RBFOX1: variants seen among roughly 807,000 people sequenced by gnomAD.
RBFOX1 encodes RNA binding protein fox-1 homolog 1.
RBFOX1 carries 8 observed loss-of-function variants against 57.7 expected under a neutral mutation model. The observed-to-expected ratio is 0.14, with a 90% CI of 0.08 to 0.25. The LOEUF is 0.25. Among genes scored for constraint, RBFOX1 ranks in the 10% least tolerant of loss-of-function variants. RBFOX1 has a pLI of 1.00. For missense variants in RBFOX1, 611 were observed against 548.5 expected (o/e 1.11, Z -1.14); for synonymous variants, 326 against 222.4 (o/e 1.47, Z -4.15).
intron 2 of RBFOX1, among the ~76,000 whole-genome samples, chr16:5,586,062 G>C (rs1055399075): frequency 1.2e-4 from 19 of 152,152 alleles, no homozygotes; most frequent in African/African-American, 4.6e-4. Flanking sequence ...ACACAGTGCC[G>C]TGCAGAGAAG....
intron 2 of RBFOX1, among the ~76,000 whole-genome samples, chr16:6,591,663 C>T (rs928895768): frequency 6.6e-5 from 10 of 152,092 alleles, no homozygotes; most frequent in African/African-American, 2.2e-4. Context: ...TGTTGTGACA[C>T]GGGGCAACTC....
chr16:5,451,628 A>G (rs781531307), intron 1 of RBFOX1, among the ~76,000 whole-genome samples: 29 of 152,342 alleles, frequency 1.9e-4, no homozygotes, highest in Non-Finnish European at 3.8e-4. Context: ...AAAGAAATAG[A>G]TTCTTCAGTA....
intron 3 of RBFOX1, among the ~76,000 whole-genome samples, chr16:6,728,676 T>G (rs1335909180): frequency 6.6e-6 from 1 of 152,146 alleles, no homozygotes; most frequent in Non-Finnish European, 1.5e-5. Context: ...CAAATAGCAA[T>G]AAAATTGGGT....
chr16:7,533,212 T>A (rs905306973), intron 5 of RBFOX1, among the ~76,000 whole-genome samples: 1 of 152,208 alleles, frequency 6.6e-6, no homozygotes, highest in East Asian at 1.9e-4. Context: ...AATAAAAGAT[T>A]TGGTATTTCT....
chr16:6,663,868 T>C (rs964169645), intron 3 of RBFOX1, among the ~76,000 whole-genome samples: 5 of 152,186 alleles, frequency 3.3e-5, no homozygotes, highest in African/African-American at 1.2e-4. Flanking sequence ...GAGCATGGCA[T>C]GACTAAGGAA....
chr16:6,199,336 C>T (rs1014777046), intron 1 of RBFOX1, among the ~76,000 whole-genome samples: 14 of 152,104 alleles, frequency 9.2e-5, no homozygotes, highest in Non-Finnish European at 8.8e-5. Flanking sequence ...TAATAGAATG[C>T]CATTGTGGTC....
chr16:6,078,164 A>G (rs2095938564), intron 1 of RBFOX1, among the ~76,000 whole-genome samples: 1 of 152,114 alleles, frequency 6.6e-6, no homozygotes, highest in South Asian at 2.1e-4. Flanking sequence ...ATGTGGTAAC[A>G]TGTATGAGGA....
intron 1 of RBFOX1, among the ~76,000 whole-genome samples, chr16:6,040,034 T>C (rs2095419349): frequency 6.6e-6 from 1 of 152,216 alleles, no homozygotes; most frequent in Non-Finnish European, 1.5e-5. Context: ...AGAGAGTCCA[T>C]GACTTTTTTG....
intron 1 of RBFOX1, among the ~76,000 whole-genome samples, chr16:6,141,194 G>T (rs9935680): frequency 6.6e-6 from 1 of 152,052 alleles, no homozygotes; most frequent in African/African-American, 2.4e-5. Flanking sequence ...CACCATGGCC[G>T]CTGCTTTTGG....
At position 6,281,065 on chromosome 16, in the gene RBFOX1, T is replaced by C. The variant is rs371008073; in HGVS notation, c.-126-35930T>C. Among the ~76,000 whole-genome samples the C allele has an allele frequency of 2.7e-5, 4 of 150,222 alleles. No homozygotes were observed. The East Asian group carries it at 5.9e-4, about 22-fold the overall frequency. ...TCAACATGCAGGTCTGCTTTGGAGA[T>C]GTTAGACTGAGCACCCTCCTAGACA... On this transcript the variant is annotated intron_variant, in intron 1 of 15. Transcript: ENST00000550418.
intron 2 of RBFOX1, among the ~76,000 whole-genome samples, chr16:6,616,076 C>T (rs1466899414): frequency 1.3e-5 from 2 of 152,138 alleles, no homozygotes; most frequent in Non-Finnish European, 2.9e-5. Flanking sequence ...GAGGGCTGTG[C>T]AGCAGATGAG....
chr16:6,065,138 C>T (rs928714602), intron 1 of RBFOX1, among the ~76,000 whole-genome samples: 2 of 151,806 alleles, frequency 1.3e-5, no homozygotes, highest in East Asian at 1.9e-4. Flanking sequence ...AGTGATCCTC[C>T]CACCTCATCC....
chr16:6,911,202 C>CAA (rs34017800), intron 3 of RBFOX1, among the ~76,000 whole-genome samples: 28 of 138,774 alleles, frequency 2.0e-4, no homozygotes, highest in African/African-American at 5.5e-4. Flanking sequence ...AATTGTGTCT[C>CAA]AAAAAAAAAA....
intron 3 of RBFOX1, among the ~76,000 whole-genome samples, chr16:6,889,050 A>G: frequency 6.6e-6 from 1 of 152,064 alleles, no homozygotes; most frequent in East Asian, 1.9e-4. Context: ...CTCAAATTTG[A>G]TTGTATTTTT....
At chr16:6,739,901 T>C (rs955116911) in intron 3 of RBFOX1, among the ~76,000 whole-genome samples, 2 of 152,060 alleles carry the variant, frequency 1.3e-5, no homozygotes, top group Non-Finnish European at 2.9e-5. Context: ...GTGGTCCACA[T>C]TCCACTTTAT....
intron 3 of RBFOX1, among the ~76,000 whole-genome samples, chr16:6,894,181 C>G (rs1172593461): frequency 6.6e-6 from 1 of 152,130 alleles, no homozygotes; most frequent in Admixed American, 6.6e-5. Flanking sequence ...GTCTGTCTGT[C>G]CTTTTTATTC....
chr16:5,393,934 A>C (rs540046), intron 1 of RBFOX1, among the ~76,000 whole-genome samples: 48,069 of 150,890 alleles, frequency 0.32, 8,074 homozygotes, highest in East Asian at 0.63. Flanking sequence ...TGTAAACTTG[A>C]CTCTTCTCGG....
At chr16:6,614,101 T>C (rs1310401094) in intron 2 of RBFOX1, among the ~76,000 whole-genome samples, 1 of 152,212 alleles carries the variant, frequency 6.6e-6, no homozygotes, top group Non-Finnish European at 1.5e-5. Flanking sequence ...TTATAACGAA[T>C]AGGTAATATT....
At chr16:6,899,806 A>T (rs1396880513) in intron 3 of RBFOX1, among the ~76,000 whole-genome samples, 1 of 152,232 alleles carries the variant, frequency 6.6e-6, no homozygotes, top group Non-Finnish European at 1.5e-5. Flanking sequence ...ACACCTTTTC[A>T]TTGCAAGAGG....
Sources: gnomAD v4.1 joint callset for allele counts (sites outside exome capture counted in the v4.1 genomes callset) on GRCh38, gnomAD v4.1.1 for gene constraint, MANE v1.5 for transcripts, NCBI Gene and HGNC (gene_info 2026-07-23, HGNC 2026-07-21) for gene names.